Variants in CROT observed in about 807,000 individuals in gnomAD.
The protein encoded by CROT is carnitine O-octanoyltransferase.
Under a neutral mutation model 89.2 loss-of-function variants are expected in CROT, and 84 were observed. The ratio of observed to expected loss-of-function variants is 0.94; its 90% CI spans 0.79 to 1.13. CROT has a LOEUF of 1.13. CROT is among the 50% of genes most tolerant of loss of function. The pLI, the probability that CROT is intolerant of heterozygous loss-of-function variation, is 0.00. For synonymous variants in CROT, 212 were observed against 239.5 expected (o/e 0.89, Z 1.06); for missense variants, 711 against 727.8 (o/e 0.98, Z 0.27).
chr7:87,356,509 A>C (rs899843240), intron 3 of CROT, among the ~76,000 whole-genome samples: 2 of 152,360 alleles, frequency 1.3e-5, no homozygotes, highest in Non-Finnish European at 1.5e-5. Context: ...TAATAATAAC[A>C]GATTCAAATC....
At chr7:87,386,312 G>T (rs1308664753) in intron 13 of CROT, among the ~76,000 whole-genome samples, 1 of 152,096 alleles carries the variant, frequency 6.6e-6, no homozygotes, top group African/African-American at 2.4e-5. Context: ...TTTGCTTAAT[G>T]GGAGACTTTT....
chr7:87,362,797 T>C (rs944531818), intron 6 of CROT, among the ~76,000 whole-genome samples: 2 of 152,196 alleles, frequency 1.3e-5, no homozygotes, highest in African/African-American at 2.4e-5. Flanking sequence ...CATAAAATGT[T>C]ATTTAAAAGT....
chr7:87,370,192 T>C (rs1208242225), intron 7 of CROT, among the ~76,000 whole-genome samples: 1 of 150,648 alleles, frequency 6.6e-6, no homozygotes, highest in Non-Finnish European at 1.5e-5. Context: ...TAAAAAATAA[T>C]TTTTTTTTTG....
chr7:87,396,612 A>T (rs1807533473), intron 17 of CROT, among the ~76,000 whole-genome samples: 1 of 151,258 alleles, frequency 6.6e-6, no homozygotes, highest in Non-Finnish European at 1.5e-5. Flanking sequence ...TGAGTGTGCC[A>T]GCCTCCCCTG....
chr7:87,359,915 T>C (rs998486811), intron 4 of CROT: 39 of 984,994 alleles, frequency 4.0e-5, no homozygotes, highest in Non-Finnish European at 4.5e-5. Flanking sequence ...GAGGATGAGG[T>C]TGTATAATTC....
At chr7:87,366,481 C>G (rs1806452151) in intron 6 of CROT, among the ~76,000 whole-genome samples, 1 of 152,128 alleles carries the variant, frequency 6.6e-6, no homozygotes, top group African/African-American at 2.4e-5. Flanking sequence ...ATTACTACCT[C>G]AGTCATATTC....
chr7:87,372,596 T>G (rs1806679495), intron 7 of CROT, among the ~76,000 whole-genome samples: 1 of 152,156 alleles, frequency 6.6e-6, no homozygotes, highest in Non-Finnish European at 1.5e-5. Context: ...TGGATTTCTG[T>G]TTTTGCCTTA....
chr7:87,375,476 A>C (rs1330167601), intron 7 of CROT, 156 bp from the exon 8 acceptor site: 1 of 565,242 alleles, frequency 1.8e-6, no homozygotes, highest in Non-Finnish European at 3.1e-6. Flanking sequence ...CACTTAAAAA[A>C]ATATGTGATG....
chr7:87,354,259 C>G, intron 3 of CROT: 1 of 424,254 alleles, frequency 2.4e-6, no homozygotes, highest in South Asian at 1.8e-5. Flanking sequence ...ATAAAGACAG[C>G]ATAGGAATTA....
chr7:87,380,445 T>A (rs1371043795), intron 10 of CROT, among the ~76,000 whole-genome samples: 1 of 30,866 alleles, frequency 3.2e-5, no homozygotes, highest in African/African-American at 5.8e-5. Flanking sequence ...CATCTGTATG[T>A]ATGTATGCAT....
chr7:87,393,785 C>T (rs1807441746), intron 17 of CROT, among the ~76,000 whole-genome samples: 2 of 152,106 alleles, frequency 1.3e-5, no homozygotes, highest in African/African-American at 2.4e-5. Context: ...TAGTAATATG[C>T]ATGACATATT....
chr7:87,352,383 A>G (rs1040422561), intron 3 of CROT, among the ~76,000 whole-genome samples: 3 of 152,214 alleles, frequency 2.0e-5, no homozygotes, highest in Non-Finnish European at 2.9e-5. Context: ...CAAAAGACTT[A>G]TGGCCAATTA....
intron 3 of CROT, among the ~76,000 whole-genome samples, chr7:87,355,323 C>A (rs1270570060): frequency 6.6e-6 from 1 of 152,000 alleles, no homozygotes; most frequent in Non-Finnish European, 1.5e-5. Context: ...TGGTCTTGAA[C>A]TCCTGCCCTG....
chr7:87,368,443 A>C (rs1450316358), intron 6 of CROT, among the ~76,000 whole-genome samples: 1 of 152,208 alleles, frequency 6.6e-6, no homozygotes, highest in Non-Finnish European at 1.5e-5. Context: ...GGAAGAAAGA[A>C]GAAATGGTTT....
rs146322730 is a variant in CROT at position 87,390,323 on chromosome 7, C to T, written c.1302-1266C>T. 3.0e-3 allele frequency among the ~76,000 whole-genome samples: 464 copies of T among 152,232 alleles called. 3 individuals are homozygous for T. The highest frequency in any genetic ancestry group is 0.01 in the African/African-American group (433 of 41,540). ...TTTACTCCCTGAATTTTTTACCTAA[C>T]GTTTCAGTAGTCATTGAAGATCATT... On this transcript the variant is annotated intron_variant, in intron 13 of 17. Transcript: ENST00000331536.
chr7:87,389,215 C>T (rs13227722), intron 13 of CROT, among the ~76,000 whole-genome samples: 107,309 of 152,036 alleles, frequency 0.71, 39,811 homozygotes, highest in Middle Eastern at 0.83. Context: ...GACAGTGTGG[C>T]GATTCCTCAA....
intron 13 of CROT, among the ~76,000 whole-genome samples, chr7:87,383,295 C>G (rs936156399): frequency 6.6e-6 from 1 of 152,112 alleles, no homozygotes; most frequent in African/African-American, 2.4e-5. Flanking sequence ...TGTTAACCAC[C>G]ATTTTACTGT....
At chr7:87,361,697 G>T (rs748240367) in intron 5 of CROT, 31 bp from the exon 6 acceptor site, 2 of 1,548,786 alleles carry the variant, frequency 1.3e-6, no homozygotes, top group South Asian at 2.5e-5. Flanking sequence ...ATTTTATAAT[G>T]ACTTTTTGAT....
intron 6 of CROT, among the ~76,000 whole-genome samples, chr7:87,364,982 A>G (rs1806392869): frequency 6.6e-6 from 1 of 152,170 alleles, no homozygotes; most frequent in Non-Finnish European, 1.5e-5. Flanking sequence ...GAAAAAACAA[A>G]CATGCTGTGG....
Sources: allele counts gnomAD v4.1 joint callset (sites outside exome capture counted in the v4.1 genomes callset), GRCh38; gene constraint gnomAD v4.1.1; transcripts MANE v1.5; gene names NCBI Gene and HGNC (gene_info 2026-07-23, HGNC 2026-07-21).